Variants in NAV2 observed in about 807,000 individuals in gnomAD.
NAV2 encodes the protein helicase, APC down-regulated 1.
Under a neutral mutation model 223.2 loss-of-function variants are expected in NAV2, and 54 were observed. The ratio of observed to expected loss-of-function variants is 0.24; its 90% CI spans 0.19 to 0.30. The LOEUF (loss-of-function observed/expected upper bound fraction) is 0.30, where lower values mean the gene tolerates loss of function less well. Among genes scored for constraint, NAV2 ranks in the 10% least tolerant of loss-of-function variants. NAV2 has a pLI of 1.00. For synonymous variants in NAV2, 1,279 were observed against 1,239.3 expected (o/e 1.03, Z -0.67); for missense variants, 2,806 against 3,147.5 (o/e 0.89, Z 2.60).
chr11:19,359,998 A>T (rs1441028861), intron 1 of NAV2, among the ~76,000 whole-genome samples: 8 of 152,190 alleles, frequency 5.3e-5, no homozygotes, highest in Admixed American at 5.2e-4. Flanking sequence ...GTCTACTGAG[A>T]ACTTCCCTCT....
chr11:19,643,525 T>C (rs1319716767), intron 1 of NAV2, among the ~76,000 whole-genome samples: 3 of 152,160 alleles, frequency 2.0e-5, no homozygotes, highest in Non-Finnish European at 2.9e-5. Flanking sequence ...TAGTATTCCA[T>C]GGTGTATATG....
At chr11:19,591,484 T>A (rs768527453) in intron 1 of NAV2, among the ~76,000 whole-genome samples, 1 of 152,230 alleles carries the variant, frequency 6.6e-6, no homozygotes, top group Admixed American at 6.5e-5. Flanking sequence ...GAATAGCAGA[T>A]GACCAACAAA....
At chr11:19,809,251 G>A (rs748747894) in intron 1 of NAV2, among the ~76,000 whole-genome samples, 2 of 152,138 alleles carry the variant, frequency 1.3e-5, no homozygotes, top group Non-Finnish European at 2.9e-5. Flanking sequence ...CATGTATGTT[G>A]TTTGTGTGTT....
rs117919046 is a variant in NAV2 at position 20,032,514 on chromosome 11, G to C, written c.2769-3445G>C. Reference sequence around the variant, plus strand: ...CAACTGCTCTCTTTCCTCCCTGCCAGCCACGGTCCTCTCCCACCATTCCCC... The same window carrying C: ...CAACTGCTCTCTTTCCTCCCTGCCACCCACGGTCCTCTCCCACCATTCCCC... On this transcript the variant is annotated intron_variant, in intron 11 of 37. Coordinates refer to ENST00000349880, the MANE Select transcript of NAV2 (RefSeq NM_145117.5). 4.9e-3 allele frequency among the ~76,000 whole-genome samples: 743 copies of C among 152,296 alleles called. 3 individuals carry two copies. The highest frequency in any genetic ancestry group is 8.8e-3 in the Non-Finnish European group (600 of 68,020).
intron 1 of NAV2, among the ~76,000 whole-genome samples, chr11:19,732,350 T>G (rs1319060357): frequency 6.6e-6 from 1 of 152,054 alleles, no homozygotes; most frequent in African/African-American, 2.4e-5. Flanking sequence ...AAGTACCTAA[T>G]CTCTTTGTGC....
chr11:19,480,341 A>G (rs528213807), intron 1 of NAV2, among the ~76,000 whole-genome samples: 8 of 152,162 alleles, frequency 5.3e-5, no homozygotes, highest in African/African-American at 1.9e-4. Context: ...CAAGGAGGAA[A>G]CAGGCTTAGA....
At chr11:19,418,962 G>C (rs1023865197) in intron 1 of NAV2, among the ~76,000 whole-genome samples, 4 of 152,132 alleles carry the variant, frequency 2.6e-5, no homozygotes, top group Non-Finnish European at 5.9e-5. Context: ...GCTTAGTTAA[G>C]GGTATTTGGG....
intron 1 of NAV2, among the ~76,000 whole-genome samples, chr11:19,612,983 T>A (rs776807860): frequency 9.9e-5 from 15 of 152,260 alleles, no homozygotes; most frequent in Admixed American, 2.0e-4. Flanking sequence ...TGGGGAGGCC[T>A]CAGAATCATC....
At chr11:19,604,919 T>C (rs2046439813) in intron 1 of NAV2, among the ~76,000 whole-genome samples, 2 of 152,194 alleles carry the variant, frequency 1.3e-5, no homozygotes, top group Non-Finnish European at 1.5e-5. Context: ...GCCATCCATG[T>C]AAGACATGAC....
intron 1 of NAV2, among the ~76,000 whole-genome samples, chr11:19,797,048 T>TG (rs2152750804): frequency 6.6e-6 from 1 of 152,086 alleles, no homozygotes; most frequent in Non-Finnish European, 1.5e-5. Context: ...TCTCAAATGG[T>TG]ATGAGGGGTC....
intron 29 of NAV2, among the ~76,000 whole-genome samples, 154 bp from the exon 30 acceptor site, chr11:20,095,518 C>CT (rs1355183059): frequency 2.0e-5 from 3 of 152,334 alleles, no homozygotes; most frequent in Admixed American, 6.5e-5. Flanking sequence ...AAGACTATTA[C>CT]TTCCACCTAA....
chr11:19,471,207 C>T (rs554561208), intron 1 of NAV2, among the ~76,000 whole-genome samples: 1 of 152,240 alleles, frequency 6.6e-6, no homozygotes, highest in South Asian at 2.1e-4. Context: ...GATGGGGATC[C>T]ATGTCAACCA....
At chr11:19,634,064 C>T (rs75871504) in intron 1 of NAV2, among the ~76,000 whole-genome samples, 1 of 152,210 alleles carries the variant, frequency 6.6e-6, no homozygotes, top group East Asian at 1.9e-4. Flanking sequence ...CTTTTTCTTG[C>T]CCCTCTCACC....
At chr11:19,548,896 A>T (rs77555211) in intron 1 of NAV2, among the ~76,000 whole-genome samples, 1 of 138,736 alleles carries the variant, frequency 7.2e-6, no homozygotes, top group Non-Finnish European at 1.6e-5. Flanking sequence ...AAAAAAAAAA[A>T]CACCCTCAAG....
chr11:19,998,924 G>A lies in NAV2; in HGVS notation c.2768+14677G>A, dbSNP rs954163640. Among the ~76,000 whole-genome samples the A allele has an allele frequency of 3.3e-5, 5 of 152,188 alleles. No homozygotes were observed. The highest frequency in any genetic ancestry group is 1.2e-4 in the African/African-American group (5 of 41,438). On this transcript the variant is annotated intron_variant, in intron 11 of 37. Transcript: ENST00000349880. This position sits in a 1 kb window ranked among gnomAD's most constrained non-coding sequence, Gnocchi z 5.0. ...TTATGTCTTTCCCACTAGACTATCA[G>A]TATCAATAAGACAGAAACCAGGTCA...
intron 1 of NAV2, among the ~76,000 whole-genome samples, chr11:19,431,614 G>T (rs1851039543): frequency 6.6e-6 from 1 of 152,142 alleles, no homozygotes; most frequent in Non-Finnish European, 1.5e-5. Context: ...CTCTCCTTGT[G>T]GTTCTGATAG....
chr11:19,748,501 T>C (rs1232175320), intron 1 of NAV2, among the ~76,000 whole-genome samples: 1 of 152,222 alleles, frequency 6.6e-6, no homozygotes, highest in Non-Finnish European at 1.5e-5. Flanking sequence ...TTTCCTTACC[T>C]GTAAACTAGT....
At chr11:19,729,798 A>G (rs904388935) in intron 1 of NAV2, among the ~76,000 whole-genome samples, 5 of 152,198 alleles carry the variant, frequency 3.3e-5, no homozygotes, top group Non-Finnish European at 7.3e-5. Flanking sequence ...GTCTGAACCA[A>G]GACATCCCTG....
intron 37 of NAV2, among the ~76,000 whole-genome samples, chr11:20,115,398 G>A (rs1273744970): frequency 6.6e-6 from 1 of 152,054 alleles, no homozygotes; most frequent in African/African-American, 2.4e-5. Flanking sequence ...ACTTTGAGAG[G>A]CCAAGGCGGG....
Sources: allele counts gnomAD v4.1 joint callset (sites outside exome capture counted in the v4.1 genomes callset), GRCh38; gene constraint gnomAD v4.1.1; non-coding constraint Gnocchi (gnomAD v3.1); transcripts MANE v1.5; gene names NCBI Gene and HGNC (gene_info 2026-07-23, HGNC 2026-07-21).